The following ADAM2 variants were observed in gnomAD, a reference collection of about 807,000 sequenced individuals.
ADAM2 encodes ADAM metallopeptidase domain 2.
In ADAM2, 101 loss-of-function variants were observed where a neutral mutation model predicts 99.3. The observed-to-expected ratio is 1.02, with a 90% confidence interval of 0.87 to 1.20. The LOEUF is 1.20. ADAM2 is among the 50% of genes most tolerant of loss of function. The pLI, the probability that ADAM2 is intolerant of heterozygous loss-of-function variation, is 0.00. For missense variants in ADAM2, 948 were observed against 878.7 expected (o/e 1.08, Z -1.00); for synonymous variants, 323 against 287.6 (o/e 1.12, Z -1.25).
chr8:39,803,691 TG>T (rs1255632493), intron 7 of ADAM2, among the ~76,000 whole-genome samples: 3 of 152,322 alleles, frequency 2.0e-5, no homozygotes, highest in South Asian at 4.1e-4. Flanking sequence ...TAATTAATTT[TG>T]GGGATAGAAA....
intron 9 of ADAM2, among the ~76,000 whole-genome samples, chr8:39,787,542 C>CTATA (rs1280979289): frequency 1.3e-4 from 17 of 128,268 alleles, no homozygotes; most frequent in African/African-American, 3.8e-4. Context: ...CTCTCTCTCT[C>CTATA]TATATATATA....
At chr8:39,825,290 C>A (rs181116828) in intron 3 of ADAM2, among the ~76,000 whole-genome samples, 1 of 152,274 alleles carries the variant, frequency 6.6e-6, no homozygotes, top group African/African-American at 2.4e-5. Context: ...ATCACCAAAG[C>A]ATAGGATTTT....
At position 39,755,789 on chromosome 8, in the gene ADAM2, CTGGCAA is replaced by C. The variant is rs765355590; in HGVS notation, c.1730_1735del (p.Phe577_Ser579delinsCys). 256 of 1,613,410 alleles carry C rather than the reference CTGGCAA, an allele frequency of 1.6e-4. 1 individual carries two copies. The Middle Eastern group carries it at 1.8e-3, about 11-fold the overall frequency. ...CATCTTTTGGCTGTCTGCATGATCA[CTGGCAA>C]ATTCCACAGCAATGCAGAGATGTCC... On this transcript the variant is annotated inframe_deletion, in exon 16 of 21. Transcript: ENST00000265708.
chr8:39,763,915 G>T (rs1390621626), intron 14 of ADAM2, among the ~76,000 whole-genome samples: 1 of 152,204 alleles, frequency 6.6e-6, no homozygotes, highest in Non-Finnish European at 1.5e-5. Flanking sequence ...GGAATTCCTG[G>T]AGAGTTAGAT....
chr8:39,782,211 T>C (rs1426176014), intron 10 of ADAM2, among the ~76,000 whole-genome samples: 1 of 152,166 alleles, frequency 6.6e-6, no homozygotes. Flanking sequence ...TCTTGCTTTT[T>C]TTTGTCCTAA....
chr8:39,830,270 T>C (rs1013359481), intron 3 of ADAM2, among the ~76,000 whole-genome samples: 4 of 152,106 alleles, frequency 2.6e-5, no homozygotes, highest in Non-Finnish European at 5.9e-5. Flanking sequence ...AGATGAACAA[T>C]AATTTTCAAA....
chr8:39,835,149 C>T (rs796700927), intron 2 of ADAM2, among the ~76,000 whole-genome samples: 6 of 152,218 alleles, frequency 3.9e-5, no homozygotes, highest in African/African-American at 9.6e-5. Context: ...TCTGAAGATT[C>T]GACTTTATAA....
intron 7 of ADAM2, among the ~76,000 whole-genome samples, chr8:39,791,153 C>T (rs893590275): frequency 1.3e-5 from 2 of 151,808 alleles, no homozygotes; most frequent in Admixed American, 1.3e-4. Context: ...CTTGAAAGAG[C>T]TGACCTTTCA....
chr8:39,794,064 T>A (rs1369821787), intron 7 of ADAM2, among the ~76,000 whole-genome samples: 1 of 152,156 alleles, frequency 6.6e-6, no homozygotes, highest in East Asian at 1.9e-4. Context: ...ATAATTCTGA[T>A]CCAGATTTGC....
rs774912570 is a variant in ADAM2, at chr8:39,755,717, A to G, written c.1797+11T>C. Reference sequence around the variant, plus strand: ...TATTAGGAAATTATTTGGGAATAAAAGACTACCTACCTTATTTGAACCACA... The same window carrying G: ...TATTAGGAAATTATTTGGGAATAAAGGACTACCTACCTTATTTGAACCACA... On this transcript the variant is annotated intron_variant, in intron 16 of 20. Coordinates refer to ENST00000265708, the MANE Select transcript of ADAM2 (RefSeq NM_001464.5). 1.3e-6 allele frequency: 2 copies of G among 1,599,824 alleles called. No homozygotes were observed. Among genetic ancestry groups the G allele is most frequent in the Non-Finnish European group, 1.7e-6 (2 of 1,172,096 alleles).
At chr8:39,751,857 G>A (rs753766281) in intron 16 of ADAM2, among the ~76,000 whole-genome samples, 15 of 151,462 alleles carry the variant, frequency 9.9e-5, no homozygotes, top group Admixed American at 3.3e-4. Context: ...TTTTGAGATA[G>A]GGTCTCACTC....
chr8:39,798,507 T>G (rs1003769854), intron 7 of ADAM2, among the ~76,000 whole-genome samples: 1 of 152,198 alleles, frequency 6.6e-6, no homozygotes, highest in African/African-American at 2.4e-5. Context: ...TTTCTTTTTT[T>G]GTTGTGTCTC....
intron 6 of ADAM2, among the ~76,000 whole-genome samples, chr8:39,816,798 A>G (rs1330465052): frequency 2.0e-5 from 3 of 152,222 alleles, no homozygotes; most frequent in Non-Finnish European, 4.4e-5. Flanking sequence ...CCATGGTTAT[A>G]AAGTTTCTTT....
intron 7 of ADAM2, among the ~76,000 whole-genome samples, chr8:39,802,616 T>C (rs1804267642): frequency 6.6e-6 from 1 of 152,182 alleles, no homozygotes; most frequent in East Asian, 1.9e-4. Flanking sequence ...AAACTACCTT[T>C]ATTACTGGAG....
intron 3 of ADAM2, among the ~76,000 whole-genome samples, chr8:39,826,024 TTATC>T (rs1805382969): frequency 6.6e-6 from 1 of 152,182 alleles, no homozygotes; most frequent in Admixed American, 6.5e-5. Context: ...TGAACATGCT[TTATC>T]TTTCTATTTA....
intron 20 of ADAM2, among the ~76,000 whole-genome samples, chr8:39,744,527 C>T (rs1823367734): frequency 1.3e-5 from 2 of 151,958 alleles, no homozygotes; most frequent in Admixed American, 1.3e-4. Flanking sequence ...AACAAACACA[C>T]ACAGGAACAT....
chr8:39,788,352 A>G (rs1384231843), intron 8 of ADAM2, 101 bp from the exon 9 acceptor site: 2 of 713,308 alleles, frequency 2.8e-6, no homozygotes, highest in Non-Finnish European at 4.2e-6. Flanking sequence ...TAAACAACTA[A>G]ACTATAAGTC....
Position 39,790,534 on chromosome 8 carries a change from C to T in ADAM2, c.571-1794G>A, listed in dbSNP as rs1260666660. On this transcript the variant is annotated intron_variant, in intron 7 of 20. Transcript: ENST00000265708. The stretch of plus-strand genomic sequence containing the variant: ...GGCCTGTGGTACAGGAAAGTAAGGG[C>T]AGAGGGATTGGGAGTAATTGCTAAT... Among the ~76,000 whole-genome samples the T allele has an allele frequency of 4.6e-5, 7 of 152,002 alleles. No individual in the cohort carries two copies. The East Asian group carries it at 1.4e-3, about 29-fold the overall frequency.
intron 3 of ADAM2, among the ~76,000 whole-genome samples, chr8:39,826,550 C>T (rs1805409230): frequency 1.3e-5 from 2 of 151,742 alleles, no homozygotes; most frequent in South Asian, 2.1e-4. Context: ...GGTGAAACCC[C>T]GACTCTACTA....
Sources: allele counts gnomAD v4.1 joint callset (sites outside exome capture counted in the v4.1 genomes callset), GRCh38; gene constraint gnomAD v4.1.1; transcripts MANE v1.5; gene names NCBI Gene and HGNC (gene_info 2026-07-23, HGNC 2026-07-21).